Variants in OXR1 observed in about 807,000 individuals in gnomAD.
OXR1 encodes oxidation resistance protein 1.
A neutral mutation model predicts 104.6 loss-of-function variants in OXR1; 41 were observed. The ratio of observed to expected loss-of-function variants is 0.39; its 90% CI spans 0.31 to 0.51. OXR1 has a LOEUF of 0.51. Among genes scored for constraint, OXR1 ranks in the 20% least tolerant of loss-of-function variants. The pLI is 0.77. For missense variants in OXR1, 955 were observed against 1,031.9 expected, an observed-to-expected ratio of 0.93 and a Z score of 1.02; for synonymous variants, 348 against 348.4, an observed-to-expected ratio of 1.00 and a Z score of 0.01.
At chr8:106,441,207 C>A (rs958181733) in intron 2 of OXR1, among the ~76,000 whole-genome samples, 1 of 151,884 alleles carries the variant, frequency 6.6e-6, no homozygotes, top group African/African-American at 2.4e-5. Flanking sequence ...TCAGGTTTGT[C>A]GAAGATCAGA....
intron 3 of OXR1, among the ~76,000 whole-genome samples, chr8:106,616,355 C>CCA (rs1169831706): frequency 6.6e-6 from 1 of 151,440 alleles, no homozygotes; most frequent in Non-Finnish European, 1.5e-5. Flanking sequence ...GCCACCGCGC[C>CCA]CAGCCAAACA....
Position 106,684,329 on chromosome 8 carries a change from A to G in OXR1, c.495A>G (p.Thr165=), listed in dbSNP as rs1349597834. 12 of 1,598,738 alleles carry G rather than the reference A, an allele frequency of 7.5e-6. No homozygotes were observed. The Admixed American group carries it at 1.7e-4, about 22-fold the overall frequency. ...SLSPVSPLSP[T]SSEAEFDKTT... ...GCCCCGTAAGTCCTCTGTCACCAAC[A>G]TCATCTGAGGCTGAATTTGATAAGA... The change falls in exon 6 of 17, where the codon ACA becomes ACG. Residue 165 remains threonine, a synonymous_variant. Transcript: ENST00000517566.
rs1285957679 is a variant in OXR1, at chr8:106,667,460, A to G, written c.221-11750A>G. Among the ~76,000 whole-genome samples the G allele has an allele frequency of 2.6e-5, 4 of 152,184 alleles. No individual in the cohort carries two copies. The East Asian group carries it at 7.7e-4, about 29-fold the overall frequency. On this transcript the variant is annotated intron_variant, in intron 3 of 16. Coordinates refer to ENST00000517566, the MANE Select transcript of OXR1 (RefSeq NM_001198533.2). ...AAATGCATGTTTAAGTTTTCTGCCA[A>G]CCTCTGGATAGTATTGAGACCTTAG...
chr8:106,476,134 T>C (rs528149999), intron 2 of OXR1, among the ~76,000 whole-genome samples: 153 of 151,954 alleles, frequency 1.0e-3, no homozygotes, highest in Non-Finnish European at 1.4e-3. Flanking sequence ...ACTCTTTCCA[T>C]AGAGTACTGT....
At chr8:106,484,711 T>C (rs1205387891) in intron 2 of OXR1, among the ~76,000 whole-genome samples, 1 of 152,036 alleles carries the variant, frequency 6.6e-6, no homozygotes, top group Admixed American at 6.6e-5. Flanking sequence ...CTCTCATTCA[T>C]TGCTAATGGA....
At chr8:106,738,775 C>A (rs1354706296) in intron 12 of OXR1, among the ~76,000 whole-genome samples, 2 of 151,328 alleles carry the variant, frequency 1.3e-5, no homozygotes, top group East Asian at 3.9e-4. Context: ...AGCATGTATT[C>A]TTTGTAATGC....
intron 1 of OXR1, among the ~76,000 whole-genome samples, chr8:106,300,525 C>A (rs556164460): frequency 6.6e-6 from 1 of 151,486 alleles, no homozygotes. Flanking sequence ...CTACAGTTAA[C>A]GTGTTTACAA....
At chr8:106,685,901 T>C (rs1218856991) in intron 6 of OXR1, among the ~76,000 whole-genome samples, 1 of 149,504 alleles carries the variant, frequency 6.7e-6, no homozygotes, top group Non-Finnish European at 1.5e-5. Flanking sequence ...AACAAGTGGA[T>C]AAGGAAAATG....
intron 3 of OXR1, among the ~76,000 whole-genome samples, chr8:106,624,053 T>C (rs1821946137): frequency 6.6e-6 from 1 of 152,234 alleles, no homozygotes; most frequent in Admixed American, 6.5e-5. Flanking sequence ...TTTAGTGTTT[T>C]CATTCACATG....
At chr8:106,482,169 C>A (rs1384551867) in intron 2 of OXR1, among the ~76,000 whole-genome samples, 1 of 151,884 alleles carries the variant, frequency 6.6e-6, no homozygotes, top group Non-Finnish European at 1.5e-5. Context: ...TAAGTAACAT[C>A]AAGCTGCCCT....
At chr8:106,430,379 G>A (rs952785706) in intron 2 of OXR1, among the ~76,000 whole-genome samples, 1 of 152,152 alleles carries the variant, frequency 6.6e-6, no homozygotes, top group African/African-American at 2.4e-5. Flanking sequence ...TCATTTCAGA[G>A]CTAAGAGAAA....
intron 3 of OXR1, among the ~76,000 whole-genome samples, chr8:106,579,162 T>G (rs2130615926): frequency 6.6e-6 from 1 of 152,270 alleles, no homozygotes; most frequent in East Asian, 1.9e-4. Context: ...CTGGCTTGCC[T>G]TGGGCCACAT....
At chr8:106,557,280 T>A (rs1438556581) in intron 3 of OXR1, among the ~76,000 whole-genome samples, 2 of 152,210 alleles carry the variant, frequency 1.3e-5, no homozygotes, top group Non-Finnish European at 2.9e-5. Flanking sequence ...CTTGCTATTC[T>A]TTTTAAGGTA....
chr8:106,582,861 C>T (rs1818354565), intron 3 of OXR1, among the ~76,000 whole-genome samples: 1 of 152,074 alleles, frequency 6.6e-6, no homozygotes, highest in African/African-American at 2.4e-5. Context: ...TGGACCAAAC[C>T]AATGTCACAG....
At chr8:106,548,348 C>T (rs562363968) in intron 3 of OXR1, among the ~76,000 whole-genome samples, 9 of 152,178 alleles carry the variant, frequency 5.9e-5, no homozygotes, top group African/African-American at 1.9e-4. Flanking sequence ...CTCCTCCCAA[C>T]AAGCCAAAAT....
intron 6 of OXR1, among the ~76,000 whole-genome samples, chr8:106,688,038 A>G (rs1828914209): frequency 6.6e-6 from 1 of 152,186 alleles, no homozygotes. Context: ...TCGCACTATC[A>G]TCTTCCTAAG....
chr8:106,472,358 A>G (rs1821560922), intron 2 of OXR1, among the ~76,000 whole-genome samples: 1 of 151,852 alleles, frequency 6.6e-6, no homozygotes, highest in Non-Finnish European at 1.5e-5. Context: ...ATTCACAAAT[A>G]AAAAGGTGAC....
chr8:106,286,150 C>G (rs2047854), intron 1 of OXR1, among the ~76,000 whole-genome samples: 123,380 of 152,072 alleles, frequency 0.81, 50,347 homozygotes, highest in African/African-American at 0.9. Flanking sequence ...TCTCATGGAG[C>G]TTACAAAGCT....
chr8:106,497,735 C>A (rs1811505633), intron 2 of OXR1, among the ~76,000 whole-genome samples: 1 of 152,032 alleles, frequency 6.6e-6, no homozygotes, highest in Non-Finnish European at 1.5e-5. Flanking sequence ...GATGATTAAA[C>A]CCCTCTTCCT....
Sources: gnomAD v4.1 joint callset for allele counts (sites outside exome capture counted in the v4.1 genomes callset) on GRCh38, gnomAD v4.1.1 for gene constraint, MANE v1.5 for transcripts, NCBI Gene and HGNC (gene_info 2026-07-23, HGNC 2026-07-21) for gene names.